The following DENND1B variants were observed in gnomAD, a reference collection of about 807,000 sequenced individuals.
The protein encoded by DENND1B is DENN domain-containing protein 1B.
A neutral mutation model predicts 90.1 loss-of-function variants in DENND1B; 59 were observed. That is an observed-to-expected ratio of 0.65 (90% CI 0.53 to 0.81). The LOEUF (loss-of-function observed/expected upper bound fraction) is 0.81, where lower values mean the gene tolerates loss of function less well. Among genes scored for constraint, DENND1B ranks in the 40% least tolerant of loss-of-function variants. The pLI, the probability that DENND1B is intolerant of heterozygous loss-of-function variation, is 0.00. For missense variants in DENND1B, 862 were observed against 912.6 expected, an observed-to-expected ratio of 0.94 and a Z score of 0.71; for synonymous variants, 337 against 324.6, an observed-to-expected ratio of 1.04 and a Z score of -0.41.
intron 2 of DENND1B, among the ~76,000 whole-genome samples, chr1:197,741,985 A>G (rs1663258145): frequency 6.6e-6 from 1 of 152,166 alleles, no homozygotes; most frequent in Non-Finnish European, 1.5e-5. Context: ...AGAGTTGCTG[A>G]GAAAATCAAA....
intron 5 of DENND1B, among the ~76,000 whole-genome samples, chr1:197,671,573 G>A (rs1276077034): frequency 2.0e-5 from 3 of 152,158 alleles, no homozygotes; most frequent in Admixed American, 6.6e-5. Flanking sequence ...TAAGGTTAAC[G>A]TCCTTTAAAA....
At chr1:197,595,130 T>G (rs1422541697) in intron 14 of DENND1B, 78 bp downstream of exon 14, 1 of 1,488,986 alleles carries the variant, frequency 6.7e-7, no homozygotes, top group East Asian at 2.4e-5. Flanking sequence ...AATATTAAAA[T>G]GATGTCTCTT....
intron 20 of DENND1B, 84 bp from the exon 21 acceptor site, chr1:197,513,037 C>G (rs2013617): frequency 0.99 from 1,126,815 of 1,138,558 alleles, 558,370 homozygotes; most frequent in East Asian, 1. Context: ...AATGTGATTT[C>G]ATAAGAAACA....
chr1:197,756,574 T>TA (rs1654319760), intron 2 of DENND1B, among the ~76,000 whole-genome samples: 1 of 46,314 alleles, frequency 2.2e-5, no homozygotes, highest in Non-Finnish European at 3.3e-5. Flanking sequence ...AGTCTCCATC[T>TA]CAAAAAAAAA....
At chr1:197,761,012 C>G (rs1654975091) in intron 2 of DENND1B, among the ~76,000 whole-genome samples, 1 of 152,132 alleles carries the variant, frequency 6.6e-6, no homozygotes, top group South Asian at 2.1e-4. Context: ...TCTTCTCTAA[C>G]ATGTCTAAAC....
intron 15 of DENND1B, among the ~76,000 whole-genome samples, chr1:197,558,514 C>G (rs955380245): frequency 6.6e-6 from 1 of 151,744 alleles, no homozygotes; most frequent in Non-Finnish European, 1.5e-5. Context: ...AACAAATATA[C>G]ATGTTACATA....
At chr1:197,730,281 T>A (rs1268109457) in intron 2 of DENND1B, among the ~76,000 whole-genome samples, 1 of 151,850 alleles carries the variant, frequency 6.6e-6, no homozygotes, top group East Asian at 1.9e-4. Context: ...ATATAGGTAA[T>A]AAAAATGAGT....
At chr1:197,696,076 CAAT>C (rs1379756244) in intron 3 of DENND1B, among the ~76,000 whole-genome samples, 2 of 151,058 alleles carry the variant, frequency 1.3e-5, no homozygotes, top group South Asian at 2.1e-4. Flanking sequence ...TTTTTATATT[CAAT>C]AATGACCCAT....
chr1:197,655,837 A>G (rs1653763984), intron 6 of DENND1B, among the ~76,000 whole-genome samples: 1 of 151,712 alleles, frequency 6.6e-6, no homozygotes, highest in African/African-American at 2.4e-5. Context: ...CGGCCCATTA[A>G]CTCTTAAAAG....
At chr1:197,590,846 A>G (rs1214686364) in intron 14 of DENND1B, among the ~76,000 whole-genome samples, 2 of 152,148 alleles carry the variant, frequency 1.3e-5, no homozygotes, top group African/African-American at 4.8e-5. Flanking sequence ...TTCTTCAATA[A>G]GACCATAATA....
chr1:197,596,469 GTTTT>G (rs1675699645), intron 13 of DENND1B, among the ~76,000 whole-genome samples: 1 of 151,716 alleles, frequency 6.6e-6, no homozygotes, highest in Non-Finnish European at 1.5e-5. Context: ...TAACAATTCT[GTTTT>G]ATTTAGAAAA....
intron 2 of DENND1B, among the ~76,000 whole-genome samples, chr1:197,772,363 T>C (rs1290180127): frequency 6.6e-6 from 1 of 152,192 alleles, no homozygotes; most frequent in Admixed American, 6.5e-5. Flanking sequence ...ACATTCATGA[T>C]TTTTACAATC....
Position 197,507,729 on chromosome 1 carries a change from A to C in DENND1B, c.*2731T>G, listed in dbSNP as rs1558181312. 6.6e-6 allele frequency: 1 copy of C among 151,636 alleles called. No individual in the cohort carries two copies. Among genetic ancestry groups the C allele is most frequent in the Non-Finnish European group, 1.5e-5 (1 of 67,722 alleles). The allele number at this position is 151,636 out of a possible 1,614,324, so 9.4% of individuals were successfully genotyped here. A position where few individuals can be genotyped will look rare whatever the true frequency, so the allele number is the denominator to read the frequency against. On this transcript the variant is annotated 3_prime_UTR_variant, in exon 23 of 23. Coordinates refer to ENST00000620048, the MANE Select transcript of DENND1B (RefSeq NM_001195215.2). Reference sequence around the variant, plus strand: ...CCATAGAAAATATGGGCACTGTAGAATATAACACTTTCCTTTATTTCGGAA... The same window carrying C: ...CCATAGAAAATATGGGCACTGTAGACTATAACACTTTCCTTTATTTCGGAA...
chr1:197,772,727 A>G (rs1656775731), intron 2 of DENND1B, 141 bp downstream of exon 2: 1 of 655,724 alleles, frequency 1.5e-6, no homozygotes, highest in East Asian at 2.8e-5. Context: ...CGGGAGGCTG[A>G]GGTGGGAGGA....
rs1157340517 is a variant in DENND1B at position 197,746,272 on chromosome 1, G to A, written c.82+26596C>T. On this transcript the variant is annotated intron_variant, in intron 2 of 22. Transcript: ENST00000620048. ...TAGCTGGGCATGGTGGCACTTGCCT[G>A]TAATCCCAGCTACTCGGGAGGCTGA... is the stretch of plus-strand genomic sequence containing the variant. Among the ~76,000 whole-genome samples, 7 of 152,294 alleles carry A rather than the reference G, an allele frequency of 4.6e-5. No individual in the cohort carries two copies. The East Asian group carries it at 1.2e-3, about 25-fold the overall frequency.
chr1:197,575,335 T>G (rs979670618), intron 15 of DENND1B, among the ~76,000 whole-genome samples: 1 of 151,910 alleles, frequency 6.6e-6, no homozygotes, highest in Non-Finnish European at 1.5e-5. Context: ...GAAAAAAGGG[T>G]CATCATCACT....
At chr1:197,599,266 C>T (rs532962931) in intron 13 of DENND1B, among the ~76,000 whole-genome samples, 3 of 151,868 alleles carry the variant, frequency 2.0e-5, no homozygotes, top group Admixed American at 6.6e-5. Context: ...TGAGAAGTAA[C>T]AGATTTTTTC....
At chr1:197,603,528 A>T (rs1028423351) in intron 13 of DENND1B, among the ~76,000 whole-genome samples, 6 of 151,210 alleles carry the variant, frequency 4.0e-5, no homozygotes, top group Non-Finnish European at 7.4e-5. Context: ...GTTAAGCAAT[A>T]CAGGTAAAAA....
chr1:197,506,619 C>A lies in DENND1B; in HGVS notation c.*3841G>T, dbSNP rs967129064. 6.6e-5 allele frequency: 10 copies of A among 151,416 alleles called. No individual in the cohort carries two copies. Among genetic ancestry groups the A allele is most frequent in the African/African-American group, 2.4e-4 (10 of 41,358 alleles). The allele number at this position is 151,416 out of a possible 1,614,324, so 9.4% of individuals were successfully genotyped here. On this transcript the variant is annotated 3_prime_UTR_variant, in exon 23 of 23. Coordinates refer to ENST00000620048, the MANE Select transcript of DENND1B (RefSeq NM_001195215.2). ...ATTATGAGACATTCACAGTGTTCTC[C>A]TCTTGATCAGGAGTCTACTTGTTCA...
Sources: allele counts gnomAD v4.1 joint callset (sites outside exome capture counted in the v4.1 genomes callset), GRCh38; gene constraint gnomAD v4.1.1; transcripts MANE v1.5; gene names NCBI Gene and HGNC (gene_info 2026-07-23, HGNC 2026-07-21).